Variants in HMCN2 observed in about 807,000 individuals in gnomAD.
HMCN2 encodes hemicentin 2, also known as hemicentin-2.
HMCN2 carries 325 observed loss-of-function variants against 377.5 expected under a neutral mutation model. The observed-to-expected ratio is 0.86, with a 90% CI of 0.79 to 0.94. The LOEUF is 0.94. Among genes scored for constraint, HMCN2 ranks in the 40% least tolerant of loss-of-function variants. The pLI is 0.00. For synonymous variants in HMCN2, 2,007 were observed against 2,046.8 expected (o/e 0.98, Z 0.53); for missense variants, 4,543 against 4,725.3 (o/e 0.96, Z 1.13).
chr9:130,295,791 A>T lies in HMCN2; in HGVS notation c.891+19A>T. The T allele has an allele frequency of 2.1e-6, 1 of 470,268 alleles. No homozygotes were observed. The highest frequency in any genetic ancestry group is 1.6e-5 in the South Asian group (1 of 64,472). The allele number at this position is 470,268 out of a possible 1,614,324, so 29.1% of individuals were successfully genotyped here. A position where few individuals can be genotyped will look rare whatever the true frequency, so the allele number is the denominator to read the frequency against. Reference sequence around the variant, plus strand: ...CATCAAGGTAGGGGCACTGGGTTGCAGGAGAAAGGTCGACTAGCTTTACTG... The same window carrying T: ...CATCAAGGTAGGGGCACTGGGTTGCTGGAGAAAGGTCGACTAGCTTTACTG... On this transcript the variant is annotated intron_variant, in intron 6 of 97. Coordinates refer to ENST00000683500, the MANE Select transcript of HMCN2 (RefSeq NM_001291815.2).
intron 80 of HMCN2, among the ~76,000 whole-genome samples, chr9:130,404,630 C>T (rs190455209): frequency 6.6e-6 from 1 of 152,234 alleles, no homozygotes; most frequent in African/African-American, 2.4e-5. Flanking sequence ...TATGTGCATG[C>T]ATGTGTGTGT....
At chr9:130,295,830 T>G in intron 6 of HMCN2, 58 bp downstream of exon 6, 1 of 456,728 alleles carries the variant, frequency 2.2e-6, no homozygotes. Context: ...TGGAACCATC[T>G]TCCTCCTACT....
rs1844318038 is a variant in HMCN2 at position 130,425,871 on chromosome 9, T to A, written c.13826T>A (p.Phe4609Tyr). The change falls in exon 90 of 98, where the codon TTT becomes TAT. Residue 4609 changes from phenylalanine (F) to tyrosine (Y), a missense_variant. Physicochemically the swap from Phe to Tyr is conservative, Grantham distance 22. Transcript: ENST00000683500. The part of the protein sequence containing the change: ...HLRASAISSA[F>Y]DPEAEALRFQ... ...CGGGCCTCAGCTATCAGCTCGGCCT[T>A]TGATCCAGAGGCCGAGGCCCTGCGC... is the stretch of plus-strand genomic sequence containing the variant. 1 of 1,550,230 alleles carries A rather than the reference T, an allele frequency of 6.5e-7. No individual in the cohort carries two copies. Among genetic ancestry groups the A allele is most frequent in the Admixed American group, 2.0e-5 (1 of 50,980 alleles).
Position 130,422,949 on chromosome 9 carries a change from AG to A in HMCN2, c.13381+225del, listed in dbSNP as rs1432748053. ...CCCCCTCACAACCTCCCAAAAACAAAGGAACTGCATTTACAGTCAGACCAAG... is the reference window on the plus strand; with the variant it reads ...CCCCCTCACAACCTCCCAAAAACAAAGAACTGCATTTACAGTCAGACCAAG... On this transcript the variant is annotated intron_variant, in intron 87 of 97. Coordinates refer to ENST00000683500, the MANE Select transcript of HMCN2 (RefSeq NM_001291815.2). The surrounding 1 kb of genome is among the most constrained non-coding windows in gnomAD (Gnocchi z 4.2). 6.6e-6 allele frequency among the ~76,000 whole-genome samples: 1 copy of A among 150,448 alleles called. No homozygotes were observed. Among genetic ancestry groups the A allele is most frequent in the East Asian group, 1.9e-4 (1 of 5,190 alleles).
chr9:130,340,602 C>G (rs1838993329), intron 23 of HMCN2, among the ~76,000 whole-genome samples: 1 of 151,218 alleles, frequency 6.6e-6, no homozygotes, highest in Non-Finnish European at 1.5e-5. Context: ...TCACTGTAAC[C>G]TCCGCCTCCC....
chr9:130,372,463 G>C, intron 47 of HMCN2, 56 bp downstream of exon 47: 1 of 662,326 alleles, frequency 1.5e-6, no homozygotes, highest in South Asian at 6.7e-5. Flanking sequence ...CACTGCCTGG[G>C]AGCTCCCAGA....
At chr9:130,358,908 T>A (rs1423393018) in intron 36 of HMCN2, among the ~76,000 whole-genome samples, 3 of 152,208 alleles carry the variant, frequency 2.0e-5, no homozygotes, top group Non-Finnish European at 4.4e-5. Context: ...TCTCCTGACC[T>A]CGTGATCCGC....
At position 130,430,249 on chromosome 9, in the gene HMCN2, CA is replaced by C; in HGVS notation, c.14327-34del. 5.4e-6 allele frequency: 8 copies of C among 1,484,980 alleles called. 1 individual carries two copies. In the South Asian group the frequency reaches 1.0e-4, roughly 19 times the overall value. The allele number at this position is 1,484,980 out of a possible 1,614,324, so 92.0% of individuals were successfully genotyped here. ...CTGCAGGCTGCAGGGGAACCTGGGC[CA>C]CCTGTGCACACACCTGACCCCACCC... On this transcript the variant is annotated intron_variant, in intron 94 of 97. Transcript: ENST00000683500.
rs910360217 is a variant in HMCN2 at position 130,333,698 on chromosome 9, C to G, written c.3360-4196C>G. ...CTCCGCTGCCGCCTCCCCTTCCCTG[C>G]TGGGCTGCAGCCCCCAAACCTCCCA... On this transcript the variant is annotated intron_variant, in intron 22 of 97. Coordinates refer to ENST00000683500, the MANE Select transcript of HMCN2 (RefSeq NM_001291815.2). Among the ~76,000 whole-genome samples the G allele has an allele frequency of 4.1e-4, 63 of 152,338 alleles. 1 individual carries two copies. In the East Asian group the frequency reaches 0.012, roughly 29 times the overall value.
chr9:130,298,971 A>G (rs1836319697), intron 7 of HMCN2, 54 bp from the exon 8 acceptor site: 3 of 427,946 alleles, frequency 7.0e-6, no homozygotes, highest in South Asian at 5.2e-5. Context: ...CTTGAGGGGG[A>G]TCACAGAGGC....
At chr9:130,409,251 TAAC>T (rs1001298383) in intron 84 of HMCN2, among the ~76,000 whole-genome samples, 3 of 152,220 alleles carry the variant, frequency 2.0e-5, no homozygotes, top group African/African-American at 7.2e-5. Flanking sequence ...ATGTTGTTAT[TAAC>T]AACCTCAGGG....
At chr9:130,416,097 T>C (rs1843672056) in intron 85 of HMCN2, among the ~76,000 whole-genome samples, 1 of 89,484 alleles carries the variant, frequency 1.1e-5, no homozygotes, top group African/African-American at 4.7e-5. Context: ...TTCTAGAGGC[T>C]TTATTTTTTT....
Position 130,422,723 on chromosome 9 carries a change from G to A in HMCN2, c.13378G>A (p.Val4460Met), listed in dbSNP as rs554530587. The A allele has an allele frequency of 9.4e-6, 12 of 1,279,890 alleles. No homozygotes were observed. Among genetic ancestry groups the A allele is most frequent in the Admixed American group, 4.2e-5 (1 of 23,938 alleles). The allele number at this position is 1,279,890 out of a possible 1,614,324, so 79.3% of individuals were successfully genotyped here. A position where few individuals can be genotyped will look rare whatever the true frequency, so the allele number is the denominator to read the frequency against. The change falls in exon 87 of 98, where the codon GTG (valine) becomes ATG (methionine). Residue 4460 changes from valine to methionine, a missense_variant. By Grantham distance (21) the Val-to-Met change is conservative. Transcript: ENST00000683500. The surrounding 1 kb of genome is among the most constrained non-coding windows in gnomAD (Gnocchi z 4.2). ...CAGCATCCGCCATGTCCCAGCAAAC[G>A]TGGGTGAGTGGAAGGCAGAGCATCA... Reference protein sequence around the residue: ...HSSIRHVPANVGPLMRVLVVT... With the variant: ...HSSIRHVPANMGPLMRVLVVT...
chr9:130,379,326 G>A lies in HMCN2; in HGVS notation c.8290G>A (p.Gly2764Arg), dbSNP rs887787414. The A allele has an allele frequency of 1.8e-5, 18 of 985,604 alleles. No individual in the cohort carries two copies. In the South Asian group the frequency reaches 2.4e-4, roughly 13 times the overall value. 61.1% of individuals were successfully genotyped at this position (985,604 alleles called of 1,614,324 possible). ...GTCCCGGGAGGAGGAGGCCCGGGGC[G>A]GAGTCACGGAATACAGGGAGATCGT... Reference protein sequence around the residue: ...ILSREEEARGGVTEYREIVEN... With the variant: ...ILSREEEARGRVTEYREIVEN... Residue 2764 changes from glycine to arginine, a missense_variant, in exon 54 of 98, where the codon GGA becomes AGA. Around this residue, in one of 5 missense-constraint regions of HMCN2, gnomAD observed 736 missense variants for 773.2 expected, o/e 0.95. Transcript: ENST00000683500.
chr9:130,299,194 C>A lies in HMCN2; in HGVS notation c.1182C>A (p.Pro394=), dbSNP rs1455703581. 8 of 471,076 alleles carry A rather than the reference C, an allele frequency of 1.7e-5. No individual in the cohort carries two copies. Among genetic ancestry groups the A allele is most frequent in the Admixed American group, 1.2e-4 (5 of 42,552 alleles). The allele number at this position is 471,076 out of a possible 1,614,324, so 29.2% of individuals were successfully genotyped here. Residue 394 remains proline (P), a synonymous_variant, in exon 8 of 98, where the codon CCC becomes CCA. Coordinates refer to ENST00000683500, the MANE Select transcript of HMCN2 (RefSeq NM_001291815.2). ...QLWGGPPFHT[P]KERFYLKVKG... Reference sequence around the variant, plus strand: ...GGGGCGGGCCGCCCTTCCACACCCCCAAGGAGCGCTTCTACCTCAAGGTGA... The same window carrying A: ...GGGGCGGGCCGCCCTTCCACACCCCAAAGGAGCGCTTCTACCTCAAGGTGA...
intron 25 of HMCN2, among the ~76,000 whole-genome samples, chr9:130,344,533 GGTGT>G (rs1203849842): frequency 6.7e-6 from 1 of 149,416 alleles, no homozygotes; most frequent in African/African-American, 2.5e-5. Flanking sequence ...TGTAGTGTGT[GGTGT>G]GTATGTGGTA....
chr9:130,383,511 C>T lies in HMCN2; in HGVS notation c.8741C>T (p.Thr2914Met), dbSNP rs1000162700. 6 of 985,938 alleles carry T rather than the reference C, an allele frequency of 6.1e-6. No homozygotes were observed. The highest frequency in any genetic ancestry group is 6.1e-5 in the Admixed American group (1 of 16,272). 61.1% of individuals were successfully genotyped at this position (985,938 alleles called of 1,614,324 possible). ...GGCTCCCTGCACCCACAGGTTTCCA[C>T]GGCAGAGGTGGCCGACGCCGCCAGC... The part of the protein sequence containing the change: ...LEDGQVLQVS[T>M]AEVADAASYM... Residue 2914 changes from threonine to methionine, a missense_variant, in exon 57 of 98, where the codon ACG (threonine) becomes ATG (methionine). Transcript: ENST00000683500.
rs1320564093 is a variant in HMCN2 at position 130,391,297 on chromosome 9, C to T, written c.9761C>T (p.Pro3254Leu). The T allele has an allele frequency of 8.1e-6, 8 of 987,552 alleles. No homozygotes were observed. The highest frequency in any genetic ancestry group is 1.2e-4 in the Admixed American group (2 of 16,272). 61.2% of individuals were successfully genotyped at this position (987,552 alleles called of 1,614,324 possible). The change falls in exon 64 of 98, where the codon CCG becomes CTG. Residue 3254 changes from proline to leucine, a missense_variant. Coordinates refer to ENST00000683500, the MANE Select transcript of HMCN2 (RefSeq NM_001291815.2). Reference sequence around the variant, plus strand: ...CTGGACTGTGAGGCCGATGGGCAGCCGCCGCCGGACGTGGCCTGGCTGAAG... The same window carrying T: ...CTGGACTGTGAGGCCGATGGGCAGCTGCCGCCGGACGTGGCCTGGCTGAAG... ...VRLDCEADGQPPPDVAWLKDG... is the reference protein window; with the variant it reads ...VRLDCEADGQLPPDVAWLKDG...
chr9:130,428,937 G>A lies in HMCN2; in HGVS notation c.14197+448G>A, dbSNP rs1023267274. Among the ~76,000 whole-genome samples the A allele has an allele frequency of 3.3e-5, 5 of 152,306 alleles. No homozygotes were observed. The South Asian group carries it at 1.0e-3, about 32-fold the overall frequency. On this transcript the variant is annotated intron_variant, in intron 93 of 97. Transcript: ENST00000683500. The surrounding 1 kb of genome is among the most constrained non-coding windows in gnomAD (Gnocchi z 5.0). Reference sequence around the variant, plus strand: ...TAAAACTTAGGTGCCACCCCTGGATGGGTGACCTCAATGGTCCTTCCTGCT... The same window carrying A: ...TAAAACTTAGGTGCCACCCCTGGATAGGTGACCTCAATGGTCCTTCCTGCT...
Sources: allele counts gnomAD v4.1 joint callset (sites outside exome capture counted in the v4.1 genomes callset), GRCh38; gene constraint gnomAD v4.1.1; regional missense constraint gnomAD v4.1.1; non-coding constraint Gnocchi (gnomAD v3.1); transcripts MANE v1.5; gene names NCBI Gene and HGNC (gene_info 2026-07-23, HGNC 2026-07-21).